The following SYT1 variants were observed in gnomAD, a reference collection of about 807,000 sequenced individuals.
SYT1 encodes the protein synaptotagmin-1.
SYT1 carries 8 observed loss-of-function variants against 44.8 expected under a neutral mutation model. That is an observed-to-expected ratio of 0.18 (90% confidence interval 0.10 to 0.32). The LOEUF is 0.32. SYT1 is among the 10% of genes least tolerant of loss of function. SYT1 has a pLI of 1.00. For missense variants in SYT1, 286 were observed against 509.3 expected (o/e 0.56, Z 4.22); for synonymous variants, 154 against 188.8 (o/e 0.82, Z 1.51).
At chr12:78,869,296 T>C (rs1372971365) in intron 1 of SYT1, among the ~76,000 whole-genome samples, 5 of 151,912 alleles carry the variant, frequency 3.3e-5, no homozygotes, top group Non-Finnish European at 7.4e-5. Context: ...GACTGTAAGA[T>C]AAACTGTGGT....
intron 9 of SYT1, among the ~76,000 whole-genome samples, chr12:79,382,352 C>G (rs1245768): frequency 6.6e-6 from 1 of 151,950 alleles, no homozygotes; most frequent in Admixed American, 6.6e-5. Context: ...GATTCAAGTT[C>G]CTACACAATT....
chr12:79,081,696 C>T (rs1877045303), intron 3 of SYT1, among the ~76,000 whole-genome samples: 1 of 152,084 alleles, frequency 6.6e-6, no homozygotes, highest in Non-Finnish European at 1.5e-5. Context: ...ACTTTTTCTA[C>T]AAGTGACATG....
chr12:79,058,381 C>A (rs956875027), intron 3 of SYT1, among the ~76,000 whole-genome samples: 7 of 152,002 alleles, frequency 4.6e-5, no homozygotes, highest in African/African-American at 2.4e-5. Context: ...GTTGACCCTG[C>A]CCAATATGTG....
chr12:78,865,077 A>T lies in SYT1; in HGVS notation c.-249A>T, dbSNP rs1277413558. On this transcript the variant is annotated 5_prime_UTR_variant, in exon 1 of 11. Coordinates refer to ENST00000261205, the MANE Select transcript of SYT1 (RefSeq NM_005639.3). ...CACGCGGGGAGAGCACTGGGGACCG[A>T]GACCCGGCACCACCTCCCGGTCCGC... 1.3e-5 allele frequency: 2 copies of T among 152,160 alleles called. No homozygotes were observed. The highest frequency in any genetic ancestry group is 4.8e-5 in the African/African-American group (2 of 41,426). The allele number at this position is 152,160 out of a possible 1,614,324, so 9.4% of individuals were successfully genotyped here. A position where few individuals can be genotyped will look rare whatever the true frequency, so the allele number is the denominator to read the frequency against.
intron 3 of SYT1, among the ~76,000 whole-genome samples, chr12:79,149,048 A>G (rs1870100697): frequency 1.3e-5 from 2 of 152,152 alleles, no homozygotes; most frequent in South Asian, 4.1e-4. Context: ...GTATAAGAAC[A>G]TTACTTTATA....
At chr12:79,099,875 C>G (rs1389599490) in intron 3 of SYT1, among the ~76,000 whole-genome samples, 1 of 152,068 alleles carries the variant, frequency 6.6e-6, no homozygotes, top group Admixed American at 6.6e-5. Flanking sequence ...TCCGGATCCT[C>G]TAAATTAGAA....
At chr12:79,200,208 T>C (rs1446550828) in intron 3 of SYT1, among the ~76,000 whole-genome samples, 1 of 152,146 alleles carries the variant, frequency 6.6e-6, no homozygotes. Context: ...CATTTTATAA[T>C]AATTGATAAA....
In SYT1 at chr12:78,900,503, A is replaced by T. The variant is rs531132447; in HGVS notation, c.-217+35394A>T. Among the ~76,000 whole-genome samples, 38 of 152,190 alleles carry T rather than the reference A, an allele frequency of 2.5e-4. No individual in the cohort carries two copies. In the South Asian group the frequency reaches 5.0e-3, roughly 20 times the overall value. The stretch of plus-strand genomic sequence containing the variant: ...AACTGAGATCCAATGACAAGATGCC[A>T]GCCATTACAAGATTGTGAGTCCTAT... On this transcript the variant is annotated intron_variant, in intron 1 of 10. Coordinates refer to ENST00000261205, the MANE Select transcript of SYT1 (RefSeq NM_005639.3).
chr12:79,312,824 A>C (rs1400567560), intron 8 of SYT1, among the ~76,000 whole-genome samples: 4 of 91,804 alleles, frequency 4.4e-5, no homozygotes, highest in African/African-American at 1.8e-4. Context: ...GTTTTGCTCT[A>C]GTCTTCTAAG....
At chr12:79,213,399 A>T (rs1874582152) in intron 3 of SYT1, among the ~76,000 whole-genome samples, 1 of 152,208 alleles carries the variant, frequency 6.6e-6, no homozygotes, top group Admixed American at 6.5e-5. Flanking sequence ...CAACTCCATT[A>T]ATTACTACTA....
chr12:79,229,821 C>T (rs915661073), intron 4 of SYT1, among the ~76,000 whole-genome samples: 2 of 152,042 alleles, frequency 1.3e-5, no homozygotes. Flanking sequence ...TCTCAAACTC[C>T]TGACCTCGGG....
intron 1 of SYT1, among the ~76,000 whole-genome samples, chr12:78,918,084 G>A (rs905715083): frequency 6.6e-6 from 1 of 151,992 alleles, no homozygotes; most frequent in African/African-American, 2.4e-5. Context: ...TTTTTTTAAG[G>A]TGTCTTTAAA....
At chr12:79,213,820 G>A (rs1432624347) in intron 3 of SYT1, among the ~76,000 whole-genome samples, 1 of 152,190 alleles carries the variant, frequency 6.6e-6, no homozygotes. Context: ...GACTACTCAG[G>A]AGGCTGAGGC....
At chr12:79,355,226 T>C (rs1046770579) in intron 9 of SYT1, among the ~76,000 whole-genome samples, 3 of 152,284 alleles carry the variant, frequency 2.0e-5, no homozygotes, top group Non-Finnish European at 4.4e-5. Context: ...TCTAGCAGGT[T>C]ATTTTTATGG....
Position 79,343,780 on chromosome 12 carries a change from G to A in SYT1, c.811-9722G>A, listed in dbSNP as rs376881676. Among the ~76,000 whole-genome samples the A allele has an allele frequency of 4.6e-5, 7 of 152,150 alleles. 1 individual carries two copies. The highest frequency in any genetic ancestry group is 3.3e-4 in the Admixed American group (5 of 15,284). ...AAACATATAAATGAAACACAATTTT[G>A]AAAATATGGGATAAAAGTAAATATA... On this transcript the variant is annotated intron_variant, in intron 8 of 10. Coordinates refer to ENST00000261205, the MANE Select transcript of SYT1 (RefSeq NM_005639.3).
intron 4 of SYT1, among the ~76,000 whole-genome samples, chr12:79,260,908 TA>T (rs1877795954): frequency 6.6e-6 from 1 of 152,112 alleles, no homozygotes; most frequent in African/African-American, 2.4e-5. Context: ...GATCAAAGGA[TA>T]AAAACATCTT....
chr12:79,291,403 G>A (rs927786801), intron 5 of SYT1, among the ~76,000 whole-genome samples: 16 of 152,202 alleles, frequency 1.1e-4, no homozygotes, highest in Admixed American at 9.8e-4. Context: ...AACTGAAATT[G>A]GAAGTGGGGT....
intron 1 of SYT1, among the ~76,000 whole-genome samples, chr12:78,973,935 AAAAATATATATATATATATATATAT>A (rs1868598262): frequency 3.8e-5 from 1 of 26,534 alleles, no homozygotes; most frequent in Non-Finnish European, 6.3e-5. Flanking sequence ...AAAAAAAAAA[AAAAATATATATATATATATATATAT>A]ATATATATAT....
chr12:79,141,483 A>T (rs2138216351), intron 3 of SYT1, among the ~76,000 whole-genome samples: 1 of 152,186 alleles, frequency 6.6e-6, no homozygotes, highest in Non-Finnish European at 1.5e-5. Context: ...TTCCATTTAT[A>T]TTATTGTGGT....
Sources: gnomAD v4.1 joint callset for allele counts (sites outside exome capture counted in the v4.1 genomes callset) on GRCh38, gnomAD v4.1.1 for gene constraint, MANE v1.5 for transcripts, NCBI Gene and HGNC (gene_info 2026-07-23, HGNC 2026-07-21) for gene names.